Variants in DLG2 observed in about 807,000 individuals in gnomAD.
The protein encoded by DLG2 is disks large homolog 2.
DLG2 carries 45 observed loss-of-function variants against 132.5 expected under a neutral mutation model. That is an observed-to-expected ratio of 0.34 (90% confidence interval 0.27 to 0.44). The LOEUF is 0.44. Ranked by LOEUF, DLG2 falls within the 20% of genes least tolerant of loss-of-function variation. The pLI, the probability that DLG2 is intolerant of heterozygous loss-of-function variation, is 1.00. For missense variants in DLG2, 1,045 were observed against 1,196.9 expected, an observed-to-expected ratio of 0.87 and a Z score of 1.87; for synonymous variants, 424 against 419.6, an observed-to-expected ratio of 1.01 and a Z score of -0.13.
At chr11:83,803,044 C>T (rs775964766) in intron 17 of DLG2, among the ~76,000 whole-genome samples, 1 of 152,042 alleles carries the variant, frequency 6.6e-6, no homozygotes, top group African/African-American at 2.4e-5. Context: ...GTTTGTGTTA[C>T]CTTAGCAATA....
At chr11:85,194,339 A>AT (rs1269534636) in intron 4 of DLG2, among the ~76,000 whole-genome samples, 4 of 151,896 alleles carry the variant, frequency 2.6e-5, no homozygotes, top group Admixed American at 2.6e-4. Context: ...CTGTACAAGG[A>AT]TTTTGCTGCT....
At chr11:84,515,276 TACAC>T (rs142638064) in intron 7 of DLG2, among the ~76,000 whole-genome samples, 37,798 of 141,516 alleles carry the variant, frequency 0.27, 4,807 homozygotes, top group South Asian at 0.46. Flanking sequence ...TGAACTTAAA[TACAC>T]ACACACACAC....
intron 3 of DLG2, among the ~76,000 whole-genome samples, chr11:85,400,478 C>A (rs1478232400): frequency 6.7e-6 from 1 of 149,472 alleles, no homozygotes; most frequent in Non-Finnish European, 1.5e-5. Context: ...AAGACACATG[C>A]ACACGTATGT....
intron 18 of DLG2, among the ~76,000 whole-genome samples, chr11:83,674,352 C>T (rs1185349752): frequency 6.6e-6 from 1 of 152,118 alleles, no homozygotes; most frequent in South Asian, 2.1e-4. Context: ...CTTTGGCATC[C>T]TCTATTTGTC....
chr11:83,841,610 G>A (rs1177083794), intron 16 of DLG2, among the ~76,000 whole-genome samples: 6 of 152,148 alleles, frequency 3.9e-5, no homozygotes, highest in South Asian at 4.1e-4. Flanking sequence ...CATACAAAAC[G>A]ACATACGTTG....
At chr11:85,525,873 C>A (rs2074703680) in intron 3 of DLG2, among the ~76,000 whole-genome samples, 1 of 151,888 alleles carries the variant, frequency 6.6e-6, no homozygotes, top group African/African-American at 2.4e-5. Context: ...CAGGAGAGAT[C>A]TCAGAGAGTA....
intron 20 of DLG2, among the ~76,000 whole-genome samples, chr11:83,538,567 G>T (rs955329583): frequency 6.6e-6 from 1 of 152,212 alleles, no homozygotes; most frequent in Admixed American, 6.5e-5. Context: ...AGAGACTGGT[G>T]TTTGGTCAGT....
At position 83,855,561 on chromosome 11, in the gene DLG2, C is replaced by T. The variant is rs1207448635; in HGVS notation, c.1565+18859G>A. Among the ~76,000 whole-genome samples, 5 of 152,024 alleles carry T rather than the reference C, an allele frequency of 3.3e-5. No individual in the cohort carries two copies. In the East Asian group the frequency reaches 9.6e-4, roughly 29 times the overall value. On this transcript the variant is annotated intron_variant, in intron 16 of 27. Transcript: ENST00000376104. Reference sequence around the variant, plus strand: ...CTTAAATGCATATAAGCAAAAGAAGCCAATCTGAAAAGGCTACATACTGTA... The same window carrying T: ...CTTAAATGCATATAAGCAAAAGAAGTCAATCTGAAAAGGCTACATACTGTA...
At chr11:84,071,133 C>A (rs1167297035) in intron 10 of DLG2, among the ~76,000 whole-genome samples, 1 of 152,072 alleles carries the variant, frequency 6.6e-6, no homozygotes, top group Non-Finnish European at 1.5e-5. Flanking sequence ...CATTCTGTTG[C>A]CCCAGCTGTA....
intron 7 of DLG2, among the ~76,000 whole-genome samples, chr11:84,304,344 C>A (rs941605569): frequency 2.0e-5 from 3 of 152,156 alleles, no homozygotes; most frequent in African/African-American, 7.2e-5. Context: ...AGGCAATACT[C>A]TAATTTTGCA....
At chr11:83,787,338 T>TTTTTTTTTTTTTA in intron 17 of DLG2, among the ~76,000 whole-genome samples, 1 of 131,814 alleles carries the variant, frequency 7.6e-6, no homozygotes, top group Non-Finnish European at 1.6e-5. Flanking sequence ...TTTTTTTTTT[T>TTTTTTTTTTTTTA]TTAGACAGAG....
intron 6 of DLG2, among the ~76,000 whole-genome samples, chr11:85,097,270 C>G (rs979318984): frequency 6.6e-6 from 1 of 152,064 alleles, no homozygotes; most frequent in Non-Finnish European, 1.5e-5. Flanking sequence ...CCCGGGCTCA[C>G]CAATCAGAAA....
chr11:84,894,789 T>A (rs2089960116), intron 6 of DLG2, among the ~76,000 whole-genome samples: 1 of 152,124 alleles, frequency 6.6e-6, no homozygotes, highest in South Asian at 2.1e-4. Context: ...ACTACTTAAG[T>A]TACATGCTCA....
chr11:83,930,467 A>T lies in DLG2; in HGVS notation c.1357T>A (p.Tyr453Asn), dbSNP rs373144686. ...DDYTRPPEPV[Y>N]STVNKLCDKP... is the part of the protein sequence containing the mutation. ...TCACATAGTTTGTTCACAGTGCTGT[A>T]AACAGGTTCCGGAGGCCTGGTGATA... Residue 453 changes from tyrosine (Y) to asparagine (N), a missense_variant, in exon 15 of 28, where the codon TAC (tyrosine) becomes AAC (asparagine). Physicochemically the swap from Tyr to Asn is moderately radical, Grantham distance 143. Transcript: ENST00000376104. 6.2e-7 allele frequency: 1 copy of T among 1,613,858 alleles called. No homozygotes were observed. Among genetic ancestry groups the T allele is most frequent in the Non-Finnish European group, 8.5e-7 (1 of 1,179,874 alleles).
intron 3 of DLG2, among the ~76,000 whole-genome samples, chr11:85,359,760 A>G (rs1217813416): frequency 1.3e-5 from 2 of 152,280 alleles, no homozygotes; most frequent in African/African-American, 4.8e-5. Context: ...AACAATAAGA[A>G]ACTCAATGAC....
At chr11:83,757,840 T>A (rs1353711294) in intron 18 of DLG2, among the ~76,000 whole-genome samples, 1 of 152,160 alleles carries the variant, frequency 6.6e-6, no homozygotes, top group Non-Finnish European at 1.5e-5. Context: ...TTCCTACTTT[T>A]GTATTTCCCT....
chr11:84,296,787 A>G (rs2098094393), intron 7 of DLG2, among the ~76,000 whole-genome samples: 1 of 152,204 alleles, frequency 6.6e-6, no homozygotes. Context: ...TGCTCAAAAA[A>G]GCTAAAATAT....
intron 6 of DLG2, among the ~76,000 whole-genome samples, chr11:84,889,135 A>G (rs1249871515): frequency 6.6e-6 from 1 of 152,062 alleles, no homozygotes. Flanking sequence ...ATTTATTTAG[A>G]CCTTTTCATG....
intron 6 of DLG2, among the ~76,000 whole-genome samples, chr11:84,966,950 G>A (rs759669746): frequency 1.3e-5 from 2 of 152,098 alleles, no homozygotes; most frequent in Non-Finnish European, 2.9e-5. Flanking sequence ...TAGAAAAATA[G>A]AAGCGAGAAA....
Sources: gnomAD v4.1 joint callset for allele counts (sites outside exome capture counted in the v4.1 genomes callset) on GRCh38, gnomAD v4.1.1 for gene constraint, MANE v1.5 for transcripts, NCBI Gene and HGNC (gene_info 2026-07-23, HGNC 2026-07-21) for gene names.